Variants in CDC42BPA observed in about 807,000 individuals in gnomAD.
The protein encoded by CDC42BPA is CDC42 binding protein kinase alpha, also known as serine/threonine-protein kinase MRCK alpha.
CDC42BPA carries 80 observed loss-of-function variants against 223.5 expected under a neutral mutation model. The observed-to-expected ratio is 0.36, with a 90% confidence interval of 0.30 to 0.43. The LOEUF (loss-of-function observed/expected upper bound fraction) is 0.43. Among genes scored for constraint, CDC42BPA ranks in the 20% least tolerant of loss-of-function variants. The probability of loss-of-function intolerance (pLI) is 1.00; values close to 1 mark genes in which losing one functional copy is unlikely to be tolerated. For missense variants in CDC42BPA, 1,743 were observed against 2,099.9 expected (o/e 0.83, Z 3.32); for synonymous variants, 694 against 718.6 (o/e 0.97, Z 0.55).
chr1:227,230,812 CTTTCTTTCTTTTTTTTT>C (rs1677737592), intron 2 of CDC42BPA, among the ~76,000 whole-genome samples: 1 of 111,756 alleles, frequency 8.9e-6, no homozygotes, highest in Non-Finnish European at 1.9e-5. Flanking sequence ...TTTCTTTTTT[CTTTCTTTCTTTTTTTTT>C]TTTTTTTTTT....
chr1:227,273,297 C>CA (rs34091853), intron 1 of CDC42BPA, among the ~76,000 whole-genome samples: 11 of 147,626 alleles, frequency 7.5e-5, no homozygotes, highest in African/African-American at 1.8e-4. Context: ...GACTCTGTCT[C>CA]AAAAAAAAGG....
At chr1:227,250,711 G>A (rs1176992095) in intron 2 of CDC42BPA, among the ~76,000 whole-genome samples, 1 of 151,472 alleles carries the variant, frequency 6.6e-6, no homozygotes, top group Non-Finnish European at 1.5e-5. Flanking sequence ...TATATTTTCA[G>A]ACAAATAAAA....
At chr1:227,088,671 T>A (rs1002152571) in intron 16 of CDC42BPA, among the ~76,000 whole-genome samples, 1 of 152,236 alleles carries the variant, frequency 6.6e-6, no homozygotes, top group Non-Finnish European at 1.5e-5. Flanking sequence ...GGCTGATTTT[T>A]AAAAATTTGT....
intron 15 of CDC42BPA, among the ~76,000 whole-genome samples, chr1:227,096,295 T>C (rs966347302): frequency 6.6e-6 from 1 of 152,116 alleles, no homozygotes; most frequent in African/African-American, 2.4e-5. Context: ...CACAAATAAA[T>C]TGAGTAAAAT....
At chr1:227,061,779 T>C (rs1675962207) in intron 21 of CDC42BPA, among the ~76,000 whole-genome samples, 1 of 152,188 alleles carries the variant, frequency 6.6e-6, no homozygotes, top group African/African-American at 2.4e-5. Context: ...GTCCTATTCC[T>C]TCACCCTTTC....
chr1:227,221,845 T>C (rs1675950364), intron 2 of CDC42BPA, among the ~76,000 whole-genome samples: 1 of 151,834 alleles, frequency 6.6e-6, no homozygotes, highest in Admixed American at 6.6e-5. Flanking sequence ...TAGAACTCCC[T>C]TTCCTCAAAG....
At chr1:227,024,031 C>T (rs1162278240) in intron 31 of CDC42BPA, among the ~76,000 whole-genome samples, 1 of 151,848 alleles carries the variant, frequency 6.6e-6, no homozygotes, top group East Asian at 1.9e-4. Flanking sequence ...TTCTGTTCAG[C>T]CAAATACAAA....
At position 227,129,189 on chromosome 1, in the gene CDC42BPA, T is replaced by C. The variant is rs376474097; in HGVS notation, c.1433A>G (p.Asp478Gly). Reference sequence around the variant, plus strand: ...ATCTTTGCTTGCTGTTAGTGGACCATCAACAGTTGAATACTGCAGAGCTTG... The same window carrying C: ...ATCTTTGCTTGCTGTTAGTGGACCACCAACAGTTGAATACTGCAGAGCTTG... ...TVQALQYSTVDGPLTASKDLE... is the reference protein window; with the variant it reads ...TVQALQYSTVGGPLTASKDLE... The change falls in exon 11 of 37, where the codon GAT (aspartate) becomes GGT (glycine). Residue 478 changes from aspartate to glycine, a missense_variant. Around this residue, in one of 6 missense-constraint regions of CDC42BPA, gnomAD observed 464 missense variants for 488.0 expected, o/e 0.95. Transcript: ENST00000366766. 3 of 1,594,790 alleles carry C rather than the reference T, an allele frequency of 1.9e-6. No homozygotes were observed. The highest frequency in any genetic ancestry group is 2.6e-6 in the Non-Finnish European group (3 of 1,166,016).
intron 21 of CDC42BPA, among the ~76,000 whole-genome samples, chr1:227,063,333 T>G (rs2148978495): frequency 6.6e-6 from 1 of 152,082 alleles, no homozygotes; most frequent in Non-Finnish European, 1.5e-5. Context: ...CCAACAAAAC[T>G]TTAAGACTGA....
chr1:227,242,702 A>T (rs1680225026), intron 2 of CDC42BPA, among the ~76,000 whole-genome samples: 2 of 152,190 alleles, frequency 1.3e-5, no homozygotes, highest in Non-Finnish European at 2.9e-5. Flanking sequence ...ATTGGGGCAG[A>T]TAAAAAAAAG....
chr1:227,202,562 G>A (rs1441228407), intron 3 of CDC42BPA, among the ~76,000 whole-genome samples: 1 of 152,000 alleles, frequency 6.6e-6, no homozygotes, highest in East Asian at 1.9e-4. Flanking sequence ...TTAGTCAACA[G>A]AACATATTAA....
chr1:227,220,311 T>TATATATATATATATACAC (rs1210485137), intron 2 of CDC42BPA, among the ~76,000 whole-genome samples: 2 of 49,532 alleles, frequency 4.0e-5, no homozygotes, highest in African/African-American at 1.4e-4. Flanking sequence ...TATATATATA[T>TATATATATATATATACAC]ACACACACAC....
chr1:227,113,017 C>A (rs1572883464), intron 12 of CDC42BPA, 104 bp from the exon 13 acceptor site: 4 of 1,011,348 alleles, frequency 4.0e-6, no homozygotes, highest in Non-Finnish European at 4.4e-6. Flanking sequence ...CAAAATTATT[C>A]ACCTTAGGAC....
intron 1 of CDC42BPA, among the ~76,000 whole-genome samples, chr1:227,269,283 C>G (rs1320344592): frequency 1.3e-5 from 2 of 152,136 alleles, no homozygotes; most frequent in Non-Finnish European, 2.9e-5. Flanking sequence ...CAGAAATGGG[C>G]TCAGATATAG....
intron 1 of CDC42BPA, among the ~76,000 whole-genome samples, chr1:227,294,859 C>CAAAA (rs397983087): frequency 0.087 from 1,113 of 12,818 alleles, 413 homozygotes; most frequent in Non-Finnish European, 0.11. Flanking sequence ...GACTCCGTCT[C>CAAAA]AAAAAAAAAA....
intron 1 of CDC42BPA, among the ~76,000 whole-genome samples, chr1:227,270,618 A>G (rs1685802439): frequency 6.6e-6 from 1 of 152,232 alleles, no homozygotes; most frequent in African/African-American, 2.4e-5. Context: ...AACTATTGTT[A>G]AGTGTACATC....
chr1:227,017,673 A>G (rs1423963771), intron 32 of CDC42BPA, among the ~76,000 whole-genome samples: 1 of 152,178 alleles, frequency 6.6e-6, no homozygotes, highest in Non-Finnish European at 1.5e-5. Flanking sequence ...AATCATATAC[A>G]CCTAGCAACC....
intron 1 of CDC42BPA, among the ~76,000 whole-genome samples, chr1:227,260,629 A>G (rs1230892224): frequency 1.3e-5 from 2 of 151,218 alleles, no homozygotes; most frequent in Non-Finnish European, 2.9e-5. Context: ...TGAGAAATGA[A>G]GACAGAGTCT....
At chr1:227,296,426 C>T (rs996290341) in intron 1 of CDC42BPA, among the ~76,000 whole-genome samples, 1 of 152,030 alleles carries the variant, frequency 6.6e-6, no homozygotes, top group Non-Finnish European at 1.5e-5. Flanking sequence ...AAAAAATAGG[C>T]CGGGCATAGT....
Sources: gnomAD v4.1 joint callset for allele counts (sites outside exome capture counted in the v4.1 genomes callset) on GRCh38, gnomAD v4.1.1 for gene constraint, gnomAD v4.1.1 regional missense constraint, MANE v1.5 for transcripts, NCBI Gene and HGNC (gene_info 2026-07-23, HGNC 2026-07-21) for gene names.